PTPN2: variants seen among roughly 807,000 people sequenced by gnomAD.
PTPN2 encodes tyrosine-protein phosphatase non-receptor type 2.
A neutral mutation model predicts 57.3 loss-of-function variants in PTPN2; 19 were observed. That is an observed-to-expected ratio of 0.33 (90% CI 0.23 to 0.49). PTPN2 has a LOEUF of 0.49. Among genes scored for constraint, PTPN2 ranks in the 20% least tolerant of loss-of-function variants. The pLI is 0.99. For missense variants in PTPN2, 358 were observed against 501.1 expected, an observed-to-expected ratio of 0.71 and a Z score of 2.73; for synonymous variants, 153 against 164.9, an observed-to-expected ratio of 0.93 and a Z score of 0.55.
chr18:12,827,259 C>A (rs887300232), intron 4 of PTPN2, among the ~76,000 whole-genome samples: 1 of 150,808 alleles, frequency 6.6e-6, no homozygotes, highest in Non-Finnish European at 1.5e-5. Context: ...AGAAGAATGG[C>A]GTGAACCTGG....
intron 1 of PTPN2, among the ~76,000 whole-genome samples, chr18:12,882,354 A>G (rs1240818469): frequency 2.6e-5 from 4 of 152,230 alleles, no homozygotes; most frequent in African/African-American, 4.8e-5. Flanking sequence ...TATCTTTTTG[A>G]AAATGCATGT....
At chr18:12,859,068 T>G in intron 2 of PTPN2, 96 bp downstream of exon 2, 1 of 802,688 alleles carries the variant, frequency 1.2e-6, no homozygotes, top group Non-Finnish European at 2.0e-6. Flanking sequence ...AATTACTGTA[T>G]TTATCAACAC....
In PTPN2 at chr18:12,862,150, CTCTT is replaced by C. The variant is rs1445644060; in HGVS notation, c.70-2900_70-2897del. 5.3e-5 allele frequency: 8 copies of C among 150,150 alleles called. No homozygotes were observed. In the East Asian group the frequency reaches 9.8e-4, roughly 18 times the overall value. 9.3% of individuals were successfully genotyped at this position (150,150 alleles called of 1,614,324 possible). ...TAGCGTTTATTCCAATATCCTCTTT[CTCTT>C]TCTTTTTTTTTTTTTGTTTTTTGAG... is the stretch of plus-strand genomic sequence containing the variant. On this transcript the variant is annotated intron_variant, in intron 1 of 8. Coordinates refer to ENST00000309660, the MANE Select transcript of PTPN2 (RefSeq NM_002828.4).
chr18:12,884,083 G>C lies in PTPN2; in HGVS notation c.59C>G (p.Pro20Arg), dbSNP rs562857102. The C allele has an allele frequency of 5.1e-6, 8 of 1,579,992 alleles. No homozygotes were observed. The East Asian group carries it at 1.9e-4, about 37-fold the overall frequency. The change falls in exon 1 of 9, where the codon CCG becomes CGG. Residue 20 changes from proline (P) to arginine (R), a missense_variant. Around this residue, in one of 4 missense-constraint regions of PTPN2, gnomAD observed 62 missense variants for 47.9 expected, o/e 1.29. Coordinates refer to ENST00000309660, the MANE Select transcript of PTPN2 (RefSeq NM_002828.4). Reference protein sequence around the residue: ...EELDTQRRWQPLYLEIRNESH... With the variant: ...EELDTQRRWQRLYLEIRNESH... ...GGGTCCGCGACTCACCAAGTACAGC[G>C]GCTGCCAGCGACGCTGAGTATCCAA...
chr18:12,803,479 ACT>A (rs1409040832), intron 7 of PTPN2, among the ~76,000 whole-genome samples: 1 of 152,132 alleles, frequency 6.6e-6, no homozygotes, highest in African/African-American at 2.4e-5. Flanking sequence ...ACAAAATCCA[ACT>A]CTATGTTGCC....
chr18:12,878,927 A>T (rs1206167946), intron 1 of PTPN2, among the ~76,000 whole-genome samples: 2 of 152,210 alleles, frequency 1.3e-5, no homozygotes, highest in South Asian at 4.1e-4. Context: ...CCCATAACAT[A>T]GCTTTTGCGA....
At chr18:12,787,452 A>G (rs2040870830), downstream of PTPN2, 1 of 152,180 alleles carries the variant, frequency 6.6e-6, no homozygotes, top group Non-Finnish European at 1.5e-5. Flanking sequence ...CGTGGGTTAA[A>G]TTTAGATTAT....
intron 7 of PTPN2, among the ~76,000 whole-genome samples, chr18:12,804,542 G>A (rs1478966605): frequency 6.6e-6 from 1 of 150,570 alleles, no homozygotes; most frequent in African/African-American, 2.4e-5. Context: ...TCAAATCAGA[G>A]ATGAAAAAGG....
rs775734041 is a variant in PTPN2 at position 12,884,148 on chromosome 18, G to C, written c.-7C>G. 5 of 1,579,548 alleles carry C rather than the reference G, an allele frequency of 3.2e-6. No individual in the cohort carries two copies. The highest frequency in any genetic ancestry group is 1.7e-4 in the Middle Eastern group (1 of 5,926). ...GCTCGATGGTGGTGGGCATGGCTGCGGGAGCGAGCTGGCGCGAGCAGAGCC... is the reference window on the plus strand; with the variant it reads ...GCTCGATGGTGGTGGGCATGGCTGCCGGAGCGAGCTGGCGCGAGCAGAGCC... On this transcript the variant is annotated 5_prime_UTR_variant, in exon 1 of 9. Transcript: ENST00000309660.
downstream of PTPN2, among the ~76,000 whole-genome samples, chr18:12,790,079 C>T (rs1245089985): frequency 1.3e-5 from 2 of 151,956 alleles, no homozygotes; most frequent in East Asian, 1.9e-4. Flanking sequence ...ACTACAGGCA[C>T]GTGCCAACAT....
intron 7 of PTPN2, among the ~76,000 whole-genome samples, chr18:12,808,659 T>C (rs1356923961): frequency 2.0e-5 from 3 of 151,964 alleles, no homozygotes; most frequent in Non-Finnish European, 4.4e-5. Context: ...CACACGCCTA[T>C]AGTCCCAGCT....
intron 3 of PTPN2, among the ~76,000 whole-genome samples, chr18:12,831,690 T>A (rs2145375747): frequency 6.6e-6 from 1 of 152,228 alleles, no homozygotes; most frequent in Admixed American, 6.5e-5. Context: ...CTAGAAAAAG[T>A]AGGAATCATT....
At chr18:12,872,815 C>T (rs2044315286) in intron 1 of PTPN2, among the ~76,000 whole-genome samples, 1 of 152,096 alleles carries the variant, frequency 6.6e-6, no homozygotes, top group East Asian at 1.9e-4. Flanking sequence ...AGTACTGTAC[C>T]GTACATAGAA....
intron 2 of PTPN2, among the ~76,000 whole-genome samples, chr18:12,851,428 G>A (rs1422746086): frequency 1.1e-4 from 1 of 9,330 alleles, no homozygotes; most frequent in African/African-American, 1.8e-4. Flanking sequence ...GCAGTGAGCC[G>A]AGATTGCGCC....
intron 1 of PTPN2, among the ~76,000 whole-genome samples, chr18:12,874,900 T>C (rs2044434114): frequency 6.6e-6 from 1 of 152,162 alleles, no homozygotes; most frequent in East Asian, 1.9e-4. Context: ...AGAAATCGGA[T>C]GGTTGCCGTG....
At chr18:12,828,898 AAAAAAATTTTTTTTT>A in intron 4 of PTPN2, among the ~76,000 whole-genome samples, 1 of 151,934 alleles carries the variant, frequency 6.6e-6, no homozygotes, top group Non-Finnish European at 1.5e-5. Context: ...ACAGACAGCA[AAAAAAATTTTTTTTT>A]TTTGAGACAG....
At chr18:12,823,106 T>C (rs2042328376) in intron 5 of PTPN2, among the ~76,000 whole-genome samples, 1 of 152,216 alleles carries the variant, frequency 6.6e-6, no homozygotes, top group Admixed American at 6.5e-5. Flanking sequence ...GAAATGCTAC[T>C]TTATCCTTCT....
intron 3 of PTPN2, among the ~76,000 whole-genome samples, chr18:12,836,009 A>G (rs762316965): frequency 1.4e-4 from 22 of 152,168 alleles, no homozygotes; most frequent in Non-Finnish European, 2.8e-4. Flanking sequence ...ATTAATCTGC[A>G]TATCTTTTTA....
downstream of PTPN2, among the ~76,000 whole-genome samples, chr18:12,791,268 G>A (rs929820611): frequency 2.6e-5 from 4 of 151,938 alleles, no homozygotes; most frequent in Non-Finnish European, 4.4e-5. Context: ...AGATATGAGT[G>A]GAAATGAACT....
Sources: gnomAD v4.1 joint callset for allele counts (sites outside exome capture counted in the v4.1 genomes callset) on GRCh38, gnomAD v4.1.1 for gene constraint, gnomAD v4.1.1 regional missense constraint, MANE v1.5 for transcripts, NCBI Gene and HGNC (gene_info 2026-07-23, HGNC 2026-07-21) for gene names.